CDK7: variants seen among roughly 807,000 people sequenced by gnomAD.
The protein encoded by CDK7 is cyclin dependent kinase 7.
Under a neutral mutation model 49.1 loss-of-function variants are expected in CDK7, and 25 were observed. The ratio of observed to expected loss-of-function variants is 0.51; its 90% CI spans 0.37 to 0.71. The LOEUF (loss-of-function observed/expected upper bound fraction) is 0.71. CDK7 is among the 30% of genes least tolerant of loss of function. CDK7 has a pLI of 0.00. For missense variants in CDK7, 316 were observed against 411.7 expected (o/e 0.77, Z 2.01); for synonymous variants, 107 against 140.0 (o/e 0.76, Z 1.67).
chr5:69,244,636 CAAA>C (rs35194899), intron 2 of CDK7, among the ~76,000 whole-genome samples: 84 of 94,848 alleles, frequency 8.9e-4, no homozygotes, highest in Middle Eastern at 5.4e-3. Context: ...AACTCCGTCT[CAAA>C]AAAAAAAAAA....
At chr5:69,235,124 C>T in intron 1 of CDK7, 83 bp downstream of exon 1, 1 of 1,344,290 alleles carries the variant, frequency 7.4e-7, no homozygotes. Flanking sequence ...CCCGTGGAGG[C>T]CAGAGGTCTG....
chr5:69,273,047 T>C lies in CDK7; in HGVS notation c.864+6T>C. On this transcript the variant is annotated splice_donor_region_variant and intron_variant, in intron 10 of 11. Transcript: ENST00000256443. ...CTCGAATTACGGCCACACAGGTATTTTGGTGTATCTTTTTTATACTAGGAA... is the reference window on the plus strand; with the variant it reads ...CTCGAATTACGGCCACACAGGTATTCTGGTGTATCTTTTTTATACTAGGAA... 8.0e-6 allele frequency: 12 copies of C among 1,503,736 alleles called. No individual in the cohort carries two copies. Among genetic ancestry groups the C allele is most frequent in the Non-Finnish European group, 1.1e-5 (12 of 1,114,312 alleles). The allele number at this position is 1,503,736 out of a possible 1,614,324, so 93.1% of individuals were successfully genotyped here.
At chr5:69,253,989 A>G (rs981745746) in intron 3 of CDK7, among the ~76,000 whole-genome samples, 1 of 152,012 alleles carries the variant, frequency 6.6e-6, no homozygotes, top group Non-Finnish European at 1.5e-5. Context: ...GGTCCCAGCT[A>G]CTCGGGAGGC....
At position 69,251,097 on chromosome 5, in the gene CDK7, C is replaced by CTTT. The variant is rs34886081; in HGVS notation, c.127-1306_127-1304dup. ...GGCACATGCAACCATGCCCCGGTAA[C>CTTT]TTTTTTTTTTTTTTTTTCGAGACAG... On this transcript the variant is annotated intron_variant, in intron 2 of 11. Coordinates refer to ENST00000256443, the MANE Select transcript of CDK7 (RefSeq NM_001799.4). Among the ~76,000 whole-genome samples, 163 of 135,826 alleles carry CTTT rather than the reference C, an allele frequency of 1.2e-3. 1 individual carries two copies. The highest frequency in any genetic ancestry group is 2.0e-3 in the East Asian group (9 of 4,452). The allele number at this position is 135,826 out of a possible 152,430, so 89.1% of individuals were successfully genotyped here. A position where few individuals can be genotyped will look rare whatever the true frequency, so the allele number is the denominator to read the frequency against.
At chr5:69,270,082 AAATT>A (rs1291910839) in intron 9 of CDK7, among the ~76,000 whole-genome samples, 15 of 78,754 alleles carry the variant, frequency 1.9e-4, no homozygotes, top group African/African-American at 4.3e-4. Flanking sequence ...AAAAAAAAAA[AAATT>A]AAACTTCTTA....
At position 69,272,948 on chromosome 5, in the gene CDK7, G is replaced by A; in HGVS notation, c.771G>A (p.Leu257=). The A allele has an allele frequency of 6.3e-7, 1 of 1,597,976 alleles. No individual in the cohort carries two copies. Among genetic ancestry groups the A allele is most frequent in the South Asian group, 1.1e-5 (1 of 89,102 alleles). The change falls in exon 10 of 12, where the codon TTG becomes TTA. Residue 257 remains leucine (L), a synonymous_variant. Transcript: ENST00000256443. The part of the protein sequence containing the change: ...VTFKSFPGIP[L]HHIFSAAGDD... ...TTAAGAGTTTCCCTGGAATACCTTT[G>A]CATCACATCTTCAGTGCAGCAGGAG... is the stretch of plus-strand genomic sequence containing the variant.
At chr5:69,252,954 A>G (rs899559059) in intron 3 of CDK7, among the ~76,000 whole-genome samples, 2 of 152,178 alleles carry the variant, frequency 1.3e-5, no homozygotes, top group Non-Finnish European at 2.9e-5. Flanking sequence ...TACTTACTGG[A>G]TATTCAGAGA....
chr5:69,260,589 G>A (rs1466554741), intron 7 of CDK7, among the ~76,000 whole-genome samples: 1 of 152,152 alleles, frequency 6.6e-6, no homozygotes, highest in Non-Finnish European at 1.5e-5. Flanking sequence ...ATGTTGGTCA[G>A]TGCTGATTCT....
intron 10 of CDK7, among the ~76,000 whole-genome samples, chr5:69,273,304 A>G (rs1751752702): frequency 6.7e-6 from 1 of 148,520 alleles, no homozygotes; most frequent in African/African-American, 2.6e-5. Context: ...TCTATTTCAC[A>G]TAATTGGCTT....
chr5:69,252,331 G>A, intron 2 of CDK7, 87 bp from the exon 3 acceptor site: 1 of 803,930 alleles, frequency 1.2e-6, no homozygotes, highest in Non-Finnish European at 2.1e-6. Context: ...CTGTGGCGAA[G>A]TATTTGAAGT....
intron 9 of CDK7, among the ~76,000 whole-genome samples, chr5:69,269,925 T>C (rs1751417123): frequency 6.6e-6 from 1 of 151,280 alleles, no homozygotes; most frequent in Non-Finnish European, 1.5e-5. Context: ...ATGTTTCTCT[T>C]TGATTTTTTA....
chr5:69,275,305 T>A (rs548515585), intron 10 of CDK7, among the ~76,000 whole-genome samples: 2 of 152,198 alleles, frequency 1.3e-5, no homozygotes, highest in Non-Finnish European at 2.9e-5. Flanking sequence ...TTAGAATCCA[T>A]TGGTTCCAAC....
Position 69,262,209 on chromosome 5 carries a change from T to C in CDK7, c.532T>C (p.Tyr178His). 1 of 1,613,614 alleles carries C rather than the reference T, an allele frequency of 6.2e-7. No individual in the cohort carries two copies. The highest frequency in any genetic ancestry group is 8.5e-7 in the Non-Finnish European group (1 of 1,180,042). ...CTAATTCTTTTTGTTCTTTAGGTGG[T>C]ATCGGGCCCCCGAGTTACTATTTGG... The part of the protein sequence containing the change: ...AYTHQVVTRW[Y>H]RAPELLFGAR... Residue 178 changes from tyrosine (Y) to histidine (H), a missense_variant, in exon 8 of 12, where the codon TAT (tyrosine) becomes CAT (histidine). Physicochemically the swap from Tyr to His is moderately conservative, Grantham distance 83. Coordinates refer to ENST00000256443, the MANE Select transcript of CDK7 (RefSeq NM_001799.4).
intron 2 of CDK7, among the ~76,000 whole-genome samples, chr5:69,238,416 C>CTAGGAGTA (rs1199026993): frequency 6.6e-6 from 1 of 151,660 alleles, no homozygotes; most frequent in Non-Finnish European, 1.5e-5. Context: ...TCCCAACCAG[C>CTAGGAGTA]TAGGAGTACA....
At chr5:69,270,429 CTGAG>C (rs1468204332) in intron 9 of CDK7, among the ~76,000 whole-genome samples, 2 of 152,196 alleles carry the variant, frequency 1.3e-5, no homozygotes, top group Non-Finnish European at 2.9e-5. Flanking sequence ...GCATGAGTAA[CTGAG>C]TGAGTCCCTG....
intron 2 of CDK7, among the ~76,000 whole-genome samples, chr5:69,243,622 T>C (rs2150187551): frequency 6.6e-6 from 1 of 152,296 alleles, no homozygotes; most frequent in Middle Eastern, 3.4e-3. Context: ...TCTGGGTCTT[T>C]GTGGTTCTAC....
At chr5:69,276,511 T>C (rs375154012) in intron 10 of CDK7, 32 bp from the exon 11 acceptor site, 88 of 1,604,510 alleles carry the variant, frequency 5.5e-5, no homozygotes, top group Non-Finnish European at 7.2e-5. Flanking sequence ...GATACTCACC[T>C]ACCTTACTTT....
intron 9 of CDK7, among the ~76,000 whole-genome samples, chr5:69,271,169 G>GTA (rs1199620091): frequency 6.6e-6 from 1 of 152,198 alleles, no homozygotes; most frequent in African/African-American, 2.4e-5. Context: ...TCTAATGAGT[G>GTA]TGTCATGATA....
At chr5:69,265,860 A>G (rs912938936) in intron 8 of CDK7, among the ~76,000 whole-genome samples, 1 of 152,082 alleles carries the variant, frequency 6.6e-6, no homozygotes, top group Non-Finnish European at 1.5e-5. Flanking sequence ...CAAGGAGGTG[A>G]TATCGTGCCA....
Sources: gnomAD v4.1 joint callset for allele counts (sites outside exome capture counted in the v4.1 genomes callset) on GRCh38, gnomAD v4.1.1 for gene constraint, MANE v1.5 for transcripts, NCBI Gene and HGNC (gene_info 2026-07-23, HGNC 2026-07-21) for gene names.